Variants in ANKRD36C observed in about 807,000 individuals in gnomAD.
ANKRD36C encodes ankyrin repeat domain 36C.
ANKRD36C carries 61 observed loss-of-function variants against 276.4 expected under a neutral mutation model. The observed-to-expected ratio is 0.22, with a 90% CI of 0.18 to 0.27. The LOEUF (loss-of-function observed/expected upper bound fraction) is 0.27. Ranked by LOEUF, ANKRD36C falls within the 10% of genes least tolerant of loss-of-function variation. The pLI is 1.00. For missense variants in ANKRD36C, 1,447 were observed against 2,032.3 expected, an observed-to-expected ratio of 0.71 and a Z score of 5.54; for synonymous variants, 483 against 680.1, an observed-to-expected ratio of 0.71 and a Z score of 4.51.
At chr2:95,914,834 T>C (rs555007317) in intron 38 of ANKRD36C, among the ~76,000 whole-genome samples, 7 of 151,680 alleles carry the variant, frequency 4.6e-5, no homozygotes, top group Non-Finnish European at 1.0e-4. Flanking sequence ...ATTGATCACT[T>C]TGGATACCTG....
intron 34 of ANKRD36C, among the ~76,000 whole-genome samples, chr2:95,918,466 T>C (rs1366408530): frequency 2.0e-5 from 3 of 151,692 alleles, no homozygotes; most frequent in Admixed American, 2.0e-4. Context: ...ACATTCATCA[T>C]GCTCTTTAAC....
chr2:95,869,983 C>A lies in ANKRD36C; in HGVS notation c.3541-2402G>T, dbSNP rs1342130570. On this transcript the variant is annotated intron_variant, in intron 59 of 66. Coordinates refer to ENST00000456556, the Ensembl canonical transcript of ANKRD36C. ...GGAGGGGCACCTGCCATTGCCCAGG[C>A]TTGCTTAGGTAAACAAAGCAGCTGG... Among the ~76,000 whole-genome samples, 3 of 152,354 alleles carry A rather than the reference C, an allele frequency of 2.0e-5. No homozygotes were observed. The South Asian group carries it at 6.2e-4, about 32-fold the overall frequency.
chr2:95,927,941 TC>T (rs1231212506), intron 26 of ANKRD36C, among the ~76,000 whole-genome samples: 2 of 151,858 alleles, frequency 1.3e-5, no homozygotes, highest in East Asian at 1.9e-4. Context: ...GATATATGTT[TC>T]CTGAAATCTA....
At chr2:95,873,331 G>A (rs1460072472) in intron 59 of ANKRD36C, among the ~76,000 whole-genome samples, 1 of 152,180 alleles carries the variant, frequency 6.6e-6, no homozygotes, top group Non-Finnish European at 1.5e-5. Context: ...GATCAAGTGG[G>A]CTTCATCCCT....
At position 95,889,872 on chromosome 2, in the gene ANKRD36C, C is replaced by T; in HGVS notation, c.2887-1G>A. 6.2e-7 allele frequency: 1 copy of T among 1,605,724 alleles called. No individual in the cohort carries two copies. The highest frequency in any genetic ancestry group is 1.3e-5 in the African/African-American group (1 of 74,648). On this transcript the variant is annotated splice_acceptor_variant, in intron 47 of 66. Transcript: ENST00000456556. LOFTEE classifies it high-confidence loss of function. ...CAGAATTTTCCTTGTCACTTGTAGC[C>T]TGAATGGAATTTGAAACACAACAGT...
intron 1 of ANKRD36C, among the ~76,000 whole-genome samples, chr2:95,988,220 C>CA (rs1248955801): frequency 2.0e-5 from 3 of 149,516 alleles, no homozygotes; most frequent in African/African-American, 2.5e-5. Context: ...TAAAATAATC[C>CA]AAAGAAAACT....
intron 6 of ANKRD36C, among the ~76,000 whole-genome samples, chr2:95,963,972 A>T (rs373036345): frequency 1.0e-3 from 49 of 48,952 alleles, no homozygotes; most frequent in East Asian, 2.9e-3. Flanking sequence ...TATATATATA[A>T]ATATATATAT....
In ANKRD36C at chr2:95,886,125, A is replaced by G; in HGVS notation, c.3091-5T>C. On this transcript the variant is annotated splice_polypyrimidine_tract_variant and splice_region_variant and intron_variant, in intron 51 of 66. Transcript: ENST00000456556. ...ATCTTTCTTGACACTTGTAGCCTGAATGGGATTTGAAACAAAATAATCAAT... is the reference window on the plus strand; with the variant it reads ...ATCTTTCTTGACACTTGTAGCCTGAGTGGGATTTGAAACAAAATAATCAAT... The G allele has an allele frequency of 2.5e-6, 4 of 1,607,472 alleles. No homozygotes were observed. Among genetic ancestry groups the G allele is most frequent in the Non-Finnish European group, 3.4e-6 (4 of 1,176,600 alleles).
intron 42 of ANKRD36C, among the ~76,000 whole-genome samples, chr2:95,902,520 T>C (rs957858658): frequency 2.0e-5 from 3 of 150,546 alleles, no homozygotes; most frequent in Non-Finnish European, 3.0e-5. Flanking sequence ...TTTCTATCTT[T>C]TCTTGGCAGT....
chr2:95,867,700 G>A (rs1965204), intron 59 of ANKRD36C, 119 bp from the exon 80 acceptor site: 1 of 1,474,324 alleles, frequency 6.8e-7, no homozygotes, highest in South Asian at 1.4e-5. Context: ...TACCTGTTCT[G>A]TACTTTTTTT....
At chr2:95,914,360 T>C (rs1380762662) in intron 38 of ANKRD36C, 57 bp from the exon 41 acceptor site, 97 of 1,528,668 alleles carry the variant, frequency 6.3e-5, no homozygotes, top group Non-Finnish European at 7.6e-5. Context: ...AAATTATCCA[T>C]ACATTCATGC....
intron 48 of ANKRD36C, among the ~76,000 whole-genome samples, chr2:95,888,995 A>C (rs1676269635): frequency 6.6e-6 from 1 of 151,592 alleles, no homozygotes; most frequent in Non-Finnish European, 1.5e-5. Context: ...CTATTCCCTA[A>C]AGAAGTTTCA....
intron 12 of ANKRD36C, among the ~76,000 whole-genome samples, chr2:95,957,443 A>T (rs1423973593): frequency 7.4e-3 from 1,067 of 143,470 alleles, no homozygotes; most frequent in African/African-American, 0.032. Context: ...CAGCTTGGAT[A>T]TATGTTTGGT....
At chr2:95,980,839 T>G (rs924571629) in intron 4 of ANKRD36C, 54 bp from the exon 5 acceptor site, 9 of 1,532,390 alleles carry the variant, frequency 5.9e-6, no homozygotes, top group Non-Finnish European at 7.9e-6. Context: ...AAAGCTTAGT[T>G]TATATACTTT....
At chr2:95,966,728 G>T (rs1480831471) in intron 6 of ANKRD36C, among the ~76,000 whole-genome samples, 1 of 152,088 alleles carries the variant, frequency 6.6e-6, no homozygotes, top group Non-Finnish European at 1.5e-5. Flanking sequence ...GATGGGTATA[G>T]CATTGAACCT....
At chr2:95,886,075 T>C (rs1324413279) in exon 52 of ANKRD36C, 5 of 1,611,440 alleles carry the variant, frequency 3.1e-6, no homozygotes, top group South Asian at 1.1e-5. Flanking sequence ...CCATCCTTTA[T>C]CTCTGTGGCT....
At chr2:95,991,750 T>A (rs745621761) in exon 1 of ANKRD36C, 2 of 1,598,038 alleles carry the variant, frequency 1.3e-6, no homozygotes, top group African/African-American at 2.7e-5. Flanking sequence ...GTATTTCAGC[T>A]CGCCTTCGGG....
chr2:95,894,465 C>A lies in ANKRD36C; in HGVS notation c.2756-2605G>T, dbSNP rs183929643. On this transcript the variant is annotated intron_variant, in intron 44 of 66. Transcript: ENST00000456556. ...ATATTTCTACAAAGTAAAACTGCTA[C>A]AAGCATTAGATATTGATAAGATTTA... Among the ~76,000 whole-genome samples, 104 of 151,574 alleles carry A rather than the reference C, an allele frequency of 6.9e-4. 2 individuals carry two copies. Among genetic ancestry groups the A allele is most frequent in the African/African-American group, 2.5e-3 (103 of 41,418 alleles).
At chr2:95,983,048 G>T (rs1678951205) in intron 3 of ANKRD36C, among the ~76,000 whole-genome samples, 1 of 151,778 alleles carries the variant, frequency 6.6e-6, no homozygotes, top group South Asian at 2.1e-4. Context: ...AAAGGTGGAG[G>T]TTTCCTCTGG....
Sources: gnomAD v4.1 joint callset for allele counts (sites outside exome capture counted in the v4.1 genomes callset) on GRCh38, gnomAD v4.1.1 for gene constraint, MANE v1.5 for transcripts, NCBI Gene and HGNC (gene_info 2026-07-23, HGNC 2026-07-21) for gene names.